The following ITGBL1 variants were observed in gnomAD, a reference collection of about 807,000 sequenced individuals.
The protein encoded by ITGBL1 is integrin subunit beta like 1, also known as integrin beta-like protein 1.
In ITGBL1, 51 loss-of-function variants were observed where a neutral mutation model predicts 68.5. The ratio of observed to expected loss-of-function variants is 0.74; its 90% CI spans 0.59 to 0.94. ITGBL1 has a LOEUF of 0.94. Ranked by LOEUF, ITGBL1 falls within the 40% of genes least tolerant of loss-of-function variation. The pLI, the probability that ITGBL1 is intolerant of heterozygous loss-of-function variation, is 0.00. For synonymous variants in ITGBL1, 209 were observed against 227.3 expected (o/e 0.92, Z 0.72); for missense variants, 649 against 647.4 (o/e 1.00, Z -0.03).
chr13:101,468,495 C>G (rs577794723), intron 2 of ITGBL1, among the ~76,000 whole-genome samples: 1 of 152,202 alleles, frequency 6.6e-6, no homozygotes, highest in Admixed American at 6.5e-5. Flanking sequence ...GCTAAGTAAG[C>G]CTGAGGAGAA....
chr13:101,718,812 C>A (rs1252897913), downstream of ITGBL1: 1 of 151,806 alleles, frequency 6.6e-6, no homozygotes, highest in Non-Finnish European at 1.5e-5. Flanking sequence ...TATAACTCAG[C>A]CTTAGTTTGC....
At chr13:101,504,504 C>G (rs2048996031) in intron 2 of ITGBL1, among the ~76,000 whole-genome samples, 1 of 152,124 alleles carries the variant, frequency 6.6e-6, no homozygotes, top group South Asian at 2.1e-4. Context: ...CATTTCCTTC[C>G]ATATCTATAT....
At chr13:101,506,537 G>T (rs2049029712) in intron 2 of ITGBL1, among the ~76,000 whole-genome samples, 1 of 152,078 alleles carries the variant, frequency 6.6e-6, no homozygotes, top group Non-Finnish European at 1.5e-5. Context: ...GCACAAATGG[G>T]CAATCAGGGC....
intron 6 of ITGBL1, among the ~76,000 whole-genome samples, chr13:101,585,311 A>AT (rs1052274167): frequency 9.2e-5 from 14 of 152,090 alleles, no homozygotes; most frequent in African/African-American, 2.4e-4. Context: ...CAAAGTTTAT[A>AT]TTTTTTCCCA....
intron 7 of ITGBL1, among the ~76,000 whole-genome samples, chr13:101,686,255 C>A (rs1487290418): frequency 6.6e-6 from 1 of 152,144 alleles, no homozygotes; most frequent in Non-Finnish European, 1.5e-5. Flanking sequence ...ACTAAGCCTC[C>A]TTTTCCTCCT....
chr13:101,653,377 A>G (rs2032814810), intron 7 of ITGBL1, among the ~76,000 whole-genome samples: 1 of 152,196 alleles, frequency 6.6e-6, no homozygotes, highest in South Asian at 2.1e-4. Flanking sequence ...CAGATTCATT[A>G]TATTTAAGAG....
At chr13:101,569,588 C>T (rs373243015) in intron 3 of ITGBL1, among the ~76,000 whole-genome samples, 6 of 152,220 alleles carry the variant, frequency 3.9e-5, no homozygotes, top group Admixed American at 3.3e-4. Flanking sequence ...ATGTTTATAT[C>T]TCTCTTTAGT....
intron 8 of ITGBL1, among the ~76,000 whole-genome samples, chr13:101,701,251 A>T (rs958929168): frequency 9.2e-5 from 14 of 152,156 alleles, no homozygotes; most frequent in Middle Eastern, 3.2e-3. Context: ...ATAAAAAATC[A>T]TCGCCAGGCA....
intron 3 of ITGBL1, among the ~76,000 whole-genome samples, chr13:101,572,071 C>A (rs2139262695): frequency 6.6e-6 from 1 of 152,206 alleles, no homozygotes; most frequent in African/African-American, 2.4e-5. Flanking sequence ...TACATTTAAT[C>A]TTTTCTGTCT....
intron 7 of ITGBL1, among the ~76,000 whole-genome samples, chr13:101,630,986 C>T (rs1300122999): frequency 6.6e-6 from 1 of 152,138 alleles, no homozygotes; most frequent in Non-Finnish European, 1.5e-5. Flanking sequence ...GGTTCTGTAG[C>T]TCTATCTTAT....
intron 2 of ITGBL1, among the ~76,000 whole-genome samples, chr13:101,548,737 A>G (rs2049869878): frequency 6.6e-6 from 1 of 151,792 alleles, no homozygotes; most frequent in Admixed American, 6.6e-5. Context: ...AATATCTGAA[A>G]CAAAAGGATT....
At chr13:101,514,226 A>G (rs2049160868) in intron 2 of ITGBL1, among the ~76,000 whole-genome samples, 1 of 152,096 alleles carries the variant, frequency 6.6e-6, no homozygotes, top group Non-Finnish European at 1.5e-5. Flanking sequence ...TTTAATAGTT[A>G]GATATAATTT....
At chr13:101,474,808 T>C (rs936226468) in intron 2 of ITGBL1, among the ~76,000 whole-genome samples, 2 of 152,184 alleles carry the variant, frequency 1.3e-5, no homozygotes, top group Non-Finnish European at 2.9e-5. Flanking sequence ...TCCTGGATCT[T>C]ATCCAGGACC....
intron 2 of ITGBL1, among the ~76,000 whole-genome samples, chr13:101,538,872 C>T (rs2139178885): frequency 6.6e-6 from 1 of 152,072 alleles, no homozygotes. Context: ...CATTATTTTA[C>T]ATAGAAATTC....
chr13:101,719,664 A>AAATC (rs2139639748), downstream of ITGBL1: 1 of 152,236 alleles, frequency 6.6e-6, no homozygotes, highest in East Asian at 1.9e-4. Flanking sequence ...CTACTATAAC[A>AAATC]AATCAGTAGA....
chr13:101,526,732 C>A (rs911259087), intron 2 of ITGBL1, among the ~76,000 whole-genome samples: 1 of 148,782 alleles, frequency 6.7e-6, no homozygotes, highest in African/African-American at 2.5e-5. Flanking sequence ...AAATTAAACA[C>A]TAGTTAGCAT....
intron 2 of ITGBL1, among the ~76,000 whole-genome samples, chr13:101,544,989 C>T (rs1052215923): frequency 6.6e-6 from 1 of 152,234 alleles, no homozygotes; most frequent in Non-Finnish European, 1.5e-5. Context: ...TCCCTGACCC[C>T]TTGTGCTTCC....
At chr13:101,630,128 A>AT (rs1300752244) in intron 7 of ITGBL1, among the ~76,000 whole-genome samples, 1 of 152,120 alleles carries the variant, frequency 6.6e-6, no homozygotes, top group African/African-American at 2.4e-5. Flanking sequence ...GGCCTTATTT[A>AT]TTTTTTTGTT....
intron 7 of ITGBL1, among the ~76,000 whole-genome samples, chr13:101,604,887 T>TATATACACACATACATACACAC: frequency 9.0e-5 from 2 of 22,164 alleles, no homozygotes; most frequent in Non-Finnish European, 1.6e-4. Context: ...TATATATATA[T>TATATACACACATACATACACAC]ACACACACAC....
Sources: allele counts gnomAD v4.1 joint callset (sites outside exome capture counted in the v4.1 genomes callset), GRCh38; gene constraint gnomAD v4.1.1; transcripts MANE v1.5; gene names NCBI Gene and HGNC (gene_info 2026-07-23, HGNC 2026-07-21).